Variants in JARID2 observed in about 807,000 individuals in gnomAD.
The protein encoded by JARID2 is jumonji and AT-rich interaction domain containing 2, also known as protein Jumonji.
Under a neutral mutation model 125.6 loss-of-function variants are expected in JARID2, and 21 were observed. The ratio of observed to expected loss-of-function variants is 0.17; its 90% CI spans 0.12 to 0.24. The LOEUF (loss-of-function observed/expected upper bound fraction) is 0.24, where lower values mean the gene tolerates loss of function less well. JARID2 is among the 10% of genes least tolerant of loss of function. The pLI is 1.00. For synonymous variants in JARID2, 736 were observed against 661.6 expected (o/e 1.11, Z -1.73); for missense variants, 1,303 against 1,639.6 (o/e 0.79, Z 3.55).
chr6:15,415,213 T>G (rs935455206), intron 3 of JARID2, among the ~76,000 whole-genome samples: 5 of 147,666 alleles, frequency 3.4e-5, no homozygotes, highest in Non-Finnish European at 1.5e-5. Context: ...CGTGTCTACC[T>G]CCCTCTACAC....
At chr6:15,428,822 C>G (rs1766839683) in intron 3 of JARID2, among the ~76,000 whole-genome samples, 1 of 151,384 alleles carries the variant, frequency 6.6e-6, no homozygotes, top group Admixed American at 6.6e-5. Context: ...AGGAGAATCG[C>G]TGGAACCCGG....
intron 1 of JARID2, among the ~76,000 whole-genome samples, chr6:15,301,177 TAA>T (rs1761611696): frequency 6.6e-6 from 1 of 152,180 alleles, no homozygotes; most frequent in Non-Finnish European, 1.5e-5. Flanking sequence ...AAGGGCCACA[TAA>T]AGAGGAAAAT....
chr6:15,262,533 A>ATT (rs35864895), intron 1 of JARID2, among the ~76,000 whole-genome samples: 2,496 of 116,464 alleles, frequency 0.021, 126 homozygotes, highest in African/African-American at 0.067. Flanking sequence ...TGGTTTGGCT[A>ATT]TTTTTTTTTT....
intron 1 of JARID2, among the ~76,000 whole-genome samples, chr6:15,326,702 T>C (rs1762544356): frequency 6.6e-6 from 1 of 152,218 alleles, no homozygotes; most frequent in Non-Finnish European, 1.5e-5. Context: ...GGTTTCACCA[T>C]GTTGGCCTTA....
At position 15,401,684 on chromosome 6, in the gene JARID2, A is replaced by G. The variant is rs560216761; in HGVS notation, c.182-8540A>G. Among the ~76,000 whole-genome samples the G allele has an allele frequency of 1.6e-4, 25 of 152,164 alleles. No homozygotes were observed. In the South Asian group the frequency reaches 5.0e-3, roughly 30 times the overall value. ...TCGAGTGCTCTTGATTCTTCTCCCGAATTTCGTGCATTAATTCATGTCTGT... is the reference window on the plus strand; with the variant it reads ...TCGAGTGCTCTTGATTCTTCTCCCGGATTTCGTGCATTAATTCATGTCTGT... On this transcript the variant is annotated intron_variant, in intron 2 of 17. Transcript: ENST00000341776.
At position 15,492,724 on chromosome 6, in the gene JARID2, C is replaced by T. The variant is rs192132065; in HGVS notation, c.907-3408C>T. 8.5e-5 allele frequency among the ~76,000 whole-genome samples: 13 copies of T among 152,262 alleles called. No homozygotes were observed. In the East Asian group the frequency reaches 1.4e-3, roughly 16 times the overall value. On this transcript the variant is annotated intron_variant, in intron 6 of 17. Transcript: ENST00000341776. ...CTCCCCTGTGGCCTCTCGTGGTGGG[C>T]ATAGAACACGGACCCTCTGGGTTTC... is the stretch of plus-strand genomic sequence containing the variant.
chr6:15,315,533 G>C (rs1762150686), intron 1 of JARID2, among the ~76,000 whole-genome samples: 1 of 152,148 alleles, frequency 6.6e-6, no homozygotes. Flanking sequence ...TTTTAACACA[G>C]AAAACTTACA....
intron 4 of JARID2, among the ~76,000 whole-genome samples, chr6:15,467,072 T>G (rs1768776046): frequency 6.6e-6 from 1 of 152,228 alleles, no homozygotes. Flanking sequence ...TTGGGGGGTT[T>G]TTGAACATTG....
At chr6:15,365,572 G>A (rs1158461818) in intron 1 of JARID2, among the ~76,000 whole-genome samples, 2 of 151,834 alleles carry the variant, frequency 1.3e-5, no homozygotes, top group Admixed American at 6.6e-5. Context: ...GTTGTGTTAT[G>A]CAATAAATCG....
At chr6:15,254,968 A>G (rs1038927890) in intron 1 of JARID2, among the ~76,000 whole-genome samples, 4 of 151,178 alleles carry the variant, frequency 2.6e-5, no homozygotes, top group Admixed American at 2.6e-4. Context: ...CTTGAGGAGG[A>G]TGGAGGTTGC....
At chr6:15,426,934 G>T (rs1421314205) in intron 3 of JARID2, among the ~76,000 whole-genome samples, 2 of 152,158 alleles carry the variant, frequency 1.3e-5, no homozygotes, top group East Asian at 1.9e-4. Context: ...AGTAATGGGG[G>T]GTACATCAGC....
intron 4 of JARID2, among the ~76,000 whole-genome samples, chr6:15,465,605 A>G (rs1338662346): frequency 6.6e-6 from 1 of 151,316 alleles, no homozygotes; most frequent in Admixed American, 6.6e-5. Flanking sequence ...CTTGAGTGCA[A>G]GGAATGTGAT....
In JARID2 at chr6:15,390,240, G is replaced by T. The variant is rs536859848; in HGVS notation, c.181+15988G>T. Among the ~76,000 whole-genome samples, 14 of 152,282 alleles carry T rather than the reference G, an allele frequency of 9.2e-5. 1 individual carries two copies. The highest frequency in any genetic ancestry group is 2.9e-4 in the African/African-American group (12 of 41,550). ...GTGAGTGCGCCATGGAGCTCGAGAGGTTTCCATGCTCCTGAGCTGTCTGAC... is the reference window on the plus strand; with the variant it reads ...GTGAGTGCGCCATGGAGCTCGAGAGTTTTCCATGCTCCTGAGCTGTCTGAC... On this transcript the variant is annotated intron_variant, in intron 2 of 17. Transcript: ENST00000341776.
chr6:15,265,380 CA>C (rs3831010), intron 1 of JARID2, among the ~76,000 whole-genome samples: 307 of 141,398 alleles, frequency 2.2e-3, no homozygotes, highest in African/African-American at 7.6e-3. Flanking sequence ...AAAAAAAAAA[CA>C]AAAAAAAACC....
intron 1 of JARID2, among the ~76,000 whole-genome samples, chr6:15,306,996 C>T (rs1425308000): frequency 1.3e-5 from 2 of 150,274 alleles, no homozygotes; most frequent in Non-Finnish European, 3.0e-5. Flanking sequence ...AATCCCAGCA[C>T]TTTGGGAGGC....
chr6:15,455,068 C>T (rs778590367), intron 4 of JARID2, among the ~76,000 whole-genome samples: 1 of 151,802 alleles, frequency 6.6e-6, no homozygotes, highest in African/African-American at 2.4e-5. Flanking sequence ...TTGGTTGTGC[C>T]GTCTATAGTC....
chr6:15,272,333 C>T (rs1370569673), intron 1 of JARID2, among the ~76,000 whole-genome samples: 1 of 152,156 alleles, frequency 6.6e-6, no homozygotes, highest in Non-Finnish European at 1.5e-5. Context: ...CCCAAAGCTT[C>T]CATGTCTTGC....
At chr6:15,357,786 G>A (rs1465767171) in intron 1 of JARID2, among the ~76,000 whole-genome samples, 2 of 152,168 alleles carry the variant, frequency 1.3e-5, no homozygotes, top group African/African-American at 4.8e-5. Context: ...GCTATGTTGT[G>A]TCTTTTAGGA....
chr6:15,317,626 G>A (rs1161964393), intron 1 of JARID2, among the ~76,000 whole-genome samples: 1 of 151,926 alleles, frequency 6.6e-6, no homozygotes, highest in Non-Finnish European at 1.5e-5. Flanking sequence ...ATAGTCCACT[G>A]CCAGAAGGTA....
Sources: gnomAD v4.1 joint callset for allele counts (sites outside exome capture counted in the v4.1 genomes callset) on GRCh38, gnomAD v4.1.1 for gene constraint, MANE v1.5 for transcripts, NCBI Gene and HGNC (gene_info 2026-07-23, HGNC 2026-07-21) for gene names.